Variants in OGDH observed in about 807,000 individuals in gnomAD.
The protein encoded by OGDH is 2-oxoglutarate dehydrogenase complex component E1.
Under a neutral mutation model 116.6 loss-of-function variants are expected in OGDH, and 38 were observed. The ratio of observed to expected loss-of-function variants is 0.33; its 90% CI spans 0.25 to 0.43. The LOEUF (loss-of-function observed/expected upper bound fraction) is 0.43, where lower values mean the gene tolerates loss of function less well. OGDH is among the 20% of genes least tolerant of loss of function. OGDH has a pLI of 1.00. For synonymous variants in OGDH, 488 were observed against 533.3 expected, an observed-to-expected ratio of 0.92 and a Z score of 1.17; for missense variants, 825 against 1,357.2, an observed-to-expected ratio of 0.61 and a Z score of 6.16.
At chr7:44,690,121 C>G (rs1788306763) in intron 10 of OGDH, among the ~76,000 whole-genome samples, 1 of 152,184 alleles carries the variant, frequency 6.6e-6, no homozygotes, top group Non-Finnish European at 1.5e-5. Context: ...AGCAAAGCAT[C>G]TAATGGACAG....
intron 1 of OGDH, among the ~76,000 whole-genome samples, chr7:44,620,319 C>T (rs1047462809): frequency 3.3e-5 from 5 of 152,184 alleles, no homozygotes; most frequent in African/African-American, 9.7e-5. Context: ...CCGCTCCTGG[C>T]CAGATTTTTT....
At chr7:44,662,598 G>C (rs1455276710) in intron 4 of OGDH, among the ~76,000 whole-genome samples, 1 of 151,914 alleles carries the variant, frequency 6.6e-6, no homozygotes, top group Non-Finnish European at 1.5e-5. Flanking sequence ...GAGTAGCTGG[G>C]ATTACAGGCA....
intron 2 of OGDH, among the ~76,000 whole-genome samples, chr7:44,633,309 G>A (rs886571850): frequency 6.8e-6 from 1 of 148,088 alleles, no homozygotes; most frequent in African/African-American, 2.5e-5. Flanking sequence ...AGAGTGAAAA[G>A]GAGCAAATTG....
chr7:44,687,710 C>G (rs1156313151), intron 10 of OGDH, among the ~76,000 whole-genome samples: 2 of 152,170 alleles, frequency 1.3e-5, no homozygotes, highest in Non-Finnish European at 2.9e-5. Flanking sequence ...AGGCGTGAGT[C>G]ACCACACCCG....
intron 2 of OGDH, among the ~76,000 whole-genome samples, chr7:44,626,678 C>A (rs1268099952): frequency 5.3e-5 from 8 of 152,202 alleles, no homozygotes; most frequent in Admixed American, 3.9e-4. Context: ...GGGCCTGTTG[C>A]CATCATAGCT....
At chr7:44,698,149 T>C in intron 17 of OGDH, 43 bp from the exon 18 acceptor site, 1 of 1,601,850 alleles carries the variant, frequency 6.2e-7, no homozygotes, top group Non-Finnish European at 8.6e-7. Flanking sequence ...CAAATGTCAG[T>C]ACGCAAGAGC....
At chr7:44,688,649 C>T (rs1048452066) in intron 10 of OGDH, among the ~76,000 whole-genome samples, 3 of 151,670 alleles carry the variant, frequency 2.0e-5, no homozygotes, top group African/African-American at 7.3e-5. Context: ...CCAGGATGGT[C>T]TCGATCTCCT....
intron 4 of OGDH, among the ~76,000 whole-genome samples, chr7:44,663,957 AAAG>A (rs1178412264): frequency 6.6e-6 from 1 of 152,082 alleles, no homozygotes; most frequent in Admixed American, 6.5e-5. Flanking sequence ...AAAAAAGAAA[AAAG>A]AAATTGTTTG....
At chr7:44,647,427 TG>T in intron 3 of OGDH, 1 of 1,522,200 alleles carries the variant, frequency 6.6e-7, no homozygotes, top group Non-Finnish European at 8.8e-7. Context: ...ATGACTTGCT[TG>T]TGTTATTGCT....
At chr7:44,660,891 A>G (rs958072848) in intron 4 of OGDH, among the ~76,000 whole-genome samples, 4 of 151,980 alleles carry the variant, frequency 2.6e-5, no homozygotes, top group African/African-American at 4.8e-5. Flanking sequence ...TTGCACCACT[A>G]TACTCTGGCC....
At chr7:44,676,407 T>A in intron 9 of OGDH, 3 of 660,622 alleles carry the variant, frequency 4.5e-6, no homozygotes, top group Non-Finnish European at 7.0e-6. Context: ...AATACAAAAT[T>A]AGCTGGGCGT....
intron 1 of OGDH, among the ~76,000 whole-genome samples, chr7:44,622,024 T>C (rs1785029589): frequency 1.3e-5 from 2 of 152,162 alleles, no homozygotes; most frequent in South Asian, 4.1e-4. Context: ...GAAATTGGTG[T>C]TTTACGATTG....
intron 2 of OGDH, among the ~76,000 whole-genome samples, chr7:44,635,584 G>T (rs1785630871): frequency 1.3e-5 from 2 of 152,180 alleles, no homozygotes; most frequent in African/African-American, 4.8e-5. Context: ...ATAGATGAGA[G>T]GAAGTGGTCT....
Position 44,696,013 on chromosome 7 carries a change from C to T in OGDH, c.1669-12C>T. The T allele has an allele frequency of 1.3e-6, 2 of 1,516,852 alleles. No individual in the cohort carries two copies. Among genetic ancestry groups the T allele is most frequent in the Non-Finnish European group, 1.8e-6 (2 of 1,092,058 alleles). 94.0% of individuals were successfully genotyped at this position (1,516,852 alleles called of 1,614,324 possible). On this transcript the variant is annotated splice_polypyrimidine_tract_variant and intron_variant, in intron 12 of 22. Coordinates refer to ENST00000222673, the MANE Select transcript of OGDH (RefSeq NM_002541.4). Reference sequence around the variant, plus strand: ...CTGTGCCAGTCACGCTGTGTTGTGCCCAACCCTCCAGGAGGAAATTTCCAA... The same window carrying T: ...CTGTGCCAGTCACGCTGTGTTGTGCTCAACCCTCCAGGAGGAAATTTCCAA...
At chr7:44,657,682 A>G (rs889688266) in intron 4 of OGDH, among the ~76,000 whole-genome samples, 1 of 152,080 alleles carries the variant, frequency 6.6e-6, no homozygotes, top group African/African-American at 2.4e-5. Flanking sequence ...TGCTTTTGGT[A>G]TGAAGTCTAA....
chr7:44,671,136 T>A (rs769840828), intron 5 of OGDH, among the ~76,000 whole-genome samples: 11 of 151,558 alleles, frequency 7.3e-5, no homozygotes, highest in Non-Finnish European at 1.5e-4. Context: ...GAAAAAGGGG[T>A]TATTTGGCTC....
At chr7:44,631,296 T>G (rs927042844) in intron 2 of OGDH, among the ~76,000 whole-genome samples, 3 of 152,182 alleles carry the variant, frequency 2.0e-5, no homozygotes, top group East Asian at 3.8e-4. Flanking sequence ...TTGATGATTT[T>G]TTGTTTTTGA....
At chr7:44,683,379 C>T (rs1355632737) in intron 10 of OGDH, among the ~76,000 whole-genome samples, 1 of 152,012 alleles carries the variant, frequency 6.6e-6, no homozygotes, top group African/African-American at 2.4e-5. Context: ...TAGACGTGCA[C>T]CACCACTCCT....
At chr7:44,688,312 G>A (rs538089566) in intron 10 of OGDH, among the ~76,000 whole-genome samples, 5 of 151,834 alleles carry the variant, frequency 3.3e-5, no homozygotes, top group South Asian at 2.1e-4. Context: ...CGGAGATTGC[G>A]GTGAGCCGAG....
Sources: allele counts gnomAD v4.1 joint callset (sites outside exome capture counted in the v4.1 genomes callset), GRCh38; gene constraint gnomAD v4.1.1; transcripts MANE v1.5; gene names NCBI Gene and HGNC (gene_info 2026-07-23, HGNC 2026-07-21).